Variants in MYO1E observed in about 807,000 individuals in gnomAD.
MYO1E encodes the protein myosin IE.
A neutral mutation model predicts 151.1 loss-of-function variants in MYO1E; 68 were observed. The observed-to-expected ratio is 0.45, with a 90% confidence interval of 0.37 to 0.55. MYO1E has a LOEUF of 0.55. Among genes scored for constraint, MYO1E ranks in the 20% least tolerant of loss-of-function variants. The pLI is 0.00. For synonymous variants in MYO1E, 601 were observed against 501.7 expected, an observed-to-expected ratio of 1.20 and a Z score of -2.64; for missense variants, 1,363 against 1,389.3, an observed-to-expected ratio of 0.98 and a Z score of 0.30.
intron 15 of MYO1E, among the ~76,000 whole-genome samples, chr15:59,205,052 G>C (rs1240297149): frequency 6.6e-6 from 1 of 152,194 alleles, no homozygotes; most frequent in Non-Finnish European, 1.5e-5. Flanking sequence ...AGAAAAGAAA[G>C]CTATTTTGAG....
chr15:59,178,817 C>G (rs1195681332), intron 18 of MYO1E, among the ~76,000 whole-genome samples: 1 of 152,208 alleles, frequency 6.6e-6, no homozygotes, highest in African/African-American at 2.4e-5. Context: ...CTACCACTGT[C>G]TGAAAATAGC....
At chr15:59,278,631 GGT>G (rs1187350724) in intron 1 of MYO1E, among the ~76,000 whole-genome samples, 12 of 152,078 alleles carry the variant, frequency 7.9e-5, no homozygotes, top group African/African-American at 2.7e-4. Flanking sequence ...CTAATATTTT[GGT>G]GATGGGAAGA....
At chr15:59,206,292 T>C (rs1233002662) in intron 14 of MYO1E, among the ~76,000 whole-genome samples, 1 of 152,172 alleles carries the variant, frequency 6.6e-6, no homozygotes, top group Non-Finnish European at 1.5e-5. Context: ...AGCAGGGTGA[T>C]TCATTTTCCA....
At chr15:59,342,664 G>T (rs1401986987) in intron 1 of MYO1E, among the ~76,000 whole-genome samples, 1 of 152,080 alleles carries the variant, frequency 6.6e-6, no homozygotes, top group Non-Finnish European at 1.5e-5. Context: ...GTTATTTGTT[G>T]TCTGGTTGTT....
intron 2 of MYO1E, among the ~76,000 whole-genome samples, chr15:59,261,780 C>A (rs1384109868): frequency 6.6e-6 from 1 of 152,134 alleles, no homozygotes; most frequent in Non-Finnish European, 1.5e-5. Flanking sequence ...AGATGGGTGA[C>A]ACGTACAGCA....
At position 59,227,500 on chromosome 15, in the gene MYO1E, T is replaced by A. The variant is rs1291443750; in HGVS notation, c.601A>T (p.Met201Leu). The stretch of plus-strand genomic sequence containing the variant: ...AAACTCCGCTCTCCTGGGTTCCTCA[T>A]CACCACCCTAGATTTTTCCAGAAGG... ...NFLLEKSRVV[M>L]RNPGERSFHI... The change falls in exon 7 of 28, where the codon ATG becomes TTG. Residue 201 changes from methionine to leucine, a missense_variant. By Grantham distance (15) the Met-to-Leu change is conservative (BLOSUM62 2). Coordinates refer to ENST00000288235, the MANE Select transcript of MYO1E (RefSeq NM_004998.4). 9.9e-6 allele frequency: 16 copies of A among 1,614,068 alleles called. No individual in the cohort carries two copies.
At chr15:59,214,370 T>C in intron 11 of MYO1E, 56 bp from the exon 12 acceptor site, 1 of 1,311,050 alleles carries the variant, frequency 7.6e-7, no homozygotes. Flanking sequence ...TTAAAAGTCA[T>C]TTCTGGAGTG....
rs1192119621 is a variant in MYO1E at position 59,135,826 on chromosome 15, G to A, written c.*1554C>T. 2 of 152,312 alleles carry A rather than the reference G, an allele frequency of 1.3e-5. No homozygotes were observed. 9.4% of individuals were successfully genotyped at this position (152,312 alleles called of 1,614,324 possible). ...AAGAATGGCTATGGCACCCAGAGGA[G>A]GAAAGGTAGAGAAATGGCAGTCTCT... is the stretch of plus-strand genomic sequence containing the variant. On this transcript the variant is annotated 3_prime_UTR_variant, in exon 28 of 28. Transcript: ENST00000288235.
chr15:59,362,864 T>G (rs904083472), intron 1 of MYO1E, among the ~76,000 whole-genome samples: 3 of 152,246 alleles, frequency 2.0e-5, no homozygotes, highest in African/African-American at 7.2e-5. Flanking sequence ...TGTTGTTGTA[T>G]TCTGTAATGT....
chr15:59,321,238 G>C (rs968196791), intron 1 of MYO1E, among the ~76,000 whole-genome samples: 16 of 152,226 alleles, frequency 1.1e-4, no homozygotes, highest in Non-Finnish European at 1.9e-4. Context: ...AGGTGGGAGT[G>C]TAAGTTAGTT....
intron 3 of MYO1E, among the ~76,000 whole-genome samples, chr15:59,257,494 A>G (rs925305876): frequency 3.3e-5 from 5 of 152,240 alleles, no homozygotes; most frequent in African/African-American, 7.2e-5. Flanking sequence ...TTGAAAAGAC[A>G]GAGTGATATA....
intron 14 of MYO1E, chr15:59,206,654 G>A (rs1375578470): frequency 9.5e-6 from 4 of 419,128 alleles, no homozygotes; most frequent in South Asian, 5.3e-5. Context: ...CAGGGATCTC[G>A]GTTAGCCTCT....
chr15:59,364,640 G>A (rs1215065696), intron 1 of MYO1E, among the ~76,000 whole-genome samples: 1 of 152,166 alleles, frequency 6.6e-6, no homozygotes, highest in Non-Finnish European at 1.5e-5. Flanking sequence ...CCGGTGTGGT[G>A]GCTCATGCCT....
At chr15:59,342,653 T>C (rs2080772470) in intron 1 of MYO1E, among the ~76,000 whole-genome samples, 1 of 152,196 alleles carries the variant, frequency 6.6e-6, no homozygotes, top group African/African-American at 2.4e-5. Context: ...CCTGCCACTT[T>C]GTTATTTGTT....
chr15:59,146,023 T>C (rs1224012773), intron 26 of MYO1E, among the ~76,000 whole-genome samples: 3 of 152,140 alleles, frequency 2.0e-5, no homozygotes, highest in African/African-American at 7.2e-5. Flanking sequence ...TATTTCCTTA[T>C]TGTTATTATT....
At chr15:59,322,321 T>C (rs1174007470) in intron 1 of MYO1E, among the ~76,000 whole-genome samples, 1 of 152,192 alleles carries the variant, frequency 6.6e-6, no homozygotes, top group Non-Finnish European at 1.5e-5. Context: ...GAATCTAAAG[T>C]AAAAGATAAT....
At chr15:59,208,193 G>A in intron 14 of MYO1E, 1 of 1,013,198 alleles carries the variant, frequency 9.9e-7, no homozygotes, top group Non-Finnish European at 1.4e-6. Flanking sequence ...AAACAGGAAA[G>A]TAGGTAGAGT....
intron 1 of MYO1E, among the ~76,000 whole-genome samples, chr15:59,319,550 CTTTTTTTTTTTTTTTT>C (rs59491381): frequency 5.0e-4 from 32 of 63,684 alleles, no homozygotes; most frequent in African/African-American, 1.1e-3. Flanking sequence ...GTCAAACTAC[CTTTTTTTTTTTTTTTT>C]TTTTTTTTTT....
intron 1 of MYO1E, among the ~76,000 whole-genome samples, chr15:59,299,962 C>T (rs529580841): frequency 6.6e-6 from 1 of 152,096 alleles, no homozygotes; most frequent in Non-Finnish European, 1.5e-5. Flanking sequence ...TATGTGATAC[C>T]ATCTCCTATC....
Sources: allele counts gnomAD v4.1 joint callset (sites outside exome capture counted in the v4.1 genomes callset), GRCh38; gene constraint gnomAD v4.1.1; transcripts MANE v1.5; gene names NCBI Gene and HGNC (gene_info 2026-07-23, HGNC 2026-07-21).